The following TRHDE variants were observed in gnomAD, a reference collection of about 807,000 sequenced individuals.
The protein encoded by TRHDE is thyrotropin releasing hormone degrading enzyme, also known as thyrotropin-releasing hormone-degrading ectoenzyme.
Under a neutral mutation model 125.7 loss-of-function variants are expected in TRHDE, and 72 were observed. The observed-to-expected ratio is 0.57, with a 90% CI of 0.47 to 0.70. The LOEUF (loss-of-function observed/expected upper bound fraction) is 0.70. Among genes scored for constraint, TRHDE ranks in the 30% least tolerant of loss-of-function variants. The pLI, the probability that TRHDE is intolerant of heterozygous loss-of-function variation, is 0.00. For missense variants in TRHDE, 1,110 were observed against 1,327.1 expected, an observed-to-expected ratio of 0.84 and a Z score of 2.54; for synonymous variants, 509 against 509.1, an observed-to-expected ratio of 1.00 and a Z score of 0.00.
intron 3 of TRHDE, among the ~76,000 whole-genome samples, chr12:72,426,845 T>C (rs761231818): frequency 5.1e-4 from 77 of 152,260 alleles, no homozygotes; most frequent in Admixed American, 1.4e-3. Flanking sequence ...CTGCTAATAC[T>C]CCATTTGTTG....
chr12:72,150,046 G>C (rs1328394175), intron 2 of TRHDE, among the ~76,000 whole-genome samples: 10 of 152,144 alleles, frequency 6.6e-5, no homozygotes, highest in Non-Finnish European at 5.9e-5. Flanking sequence ...TTTTCTATGT[G>C]CCAGACATTA....
At chr12:72,356,757 T>C (rs1451385259) in intron 2 of TRHDE, among the ~76,000 whole-genome samples, 5 of 151,184 alleles carry the variant, frequency 3.3e-5, no homozygotes, top group African/African-American at 1.2e-4. Flanking sequence ...GATGGTTTGG[T>C]GAGGTAGAGG....
intron 2 of TRHDE, among the ~76,000 whole-genome samples, chr12:72,359,907 C>T (rs918311402): frequency 3.3e-5 from 5 of 151,596 alleles, no homozygotes; most frequent in South Asian, 4.1e-4. Context: ...GGTATTGGCA[C>T]GGTGAGAGAC....
intron 6 of TRHDE, among the ~76,000 whole-genome samples, chr12:72,509,050 T>G (rs1878474253): frequency 6.6e-6 from 1 of 152,118 alleles, no homozygotes; most frequent in South Asian, 2.1e-4. Context: ...ATTTTCTAAA[T>G]TACCCAGGTT....
chr12:72,183,128 C>G (rs1016849607), intron 2 of TRHDE, among the ~76,000 whole-genome samples: 1 of 152,168 alleles, frequency 6.6e-6, no homozygotes, highest in African/African-American at 2.4e-5. Context: ...ACTTCTATTA[C>G]TTAACTTGGA....
chr12:72,347,782 G>C (rs1355719422), intron 2 of TRHDE, among the ~76,000 whole-genome samples: 2 of 152,082 alleles, frequency 1.3e-5, no homozygotes, highest in Non-Finnish European at 2.9e-5. Context: ...GAACAGGCTA[G>C]AATAACAAGA....
At position 72,617,226 on chromosome 12, in the gene TRHDE, A is replaced by G. The variant is rs554381830; in HGVS notation, c.2322-1665A>G. 3.3e-5 allele frequency among the ~76,000 whole-genome samples: 5 copies of G among 152,260 alleles called. No individual in the cohort carries two copies. In the South Asian group the frequency reaches 1.0e-3, roughly 32 times the overall value. On this transcript the variant is annotated intron_variant, in intron 12 of 18. Transcript: ENST00000261180. ...ATGTGAAATCTGAAGTTTGCTCACT[A>G]TTTATGTGAAATATGAACCTGTGGT...
chr12:72,362,274 A>G (rs998891107), intron 2 of TRHDE, among the ~76,000 whole-genome samples: 5 of 150,202 alleles, frequency 3.3e-5, no homozygotes, highest in African/African-American at 1.2e-4. Flanking sequence ...GTGAGATGGT[A>G]TCTCATTGTG....
chr12:72,139,429 T>C (rs971026838), intron 2 of TRHDE, among the ~76,000 whole-genome samples: 4 of 152,226 alleles, frequency 2.6e-5, no homozygotes, highest in Non-Finnish European at 5.9e-5. Flanking sequence ...AATATCAAAG[T>C]ATATGTTTTA....
At chr12:72,453,858 G>T (rs1198067099) in intron 3 of TRHDE, among the ~76,000 whole-genome samples, 1 of 152,206 alleles carries the variant, frequency 6.6e-6, no homozygotes, top group Non-Finnish European at 1.5e-5. Flanking sequence ...ATAAGCCTTG[G>T]CAGGTACCAT....
intron 6 of TRHDE, among the ~76,000 whole-genome samples, chr12:72,518,919 G>A (rs1052640233): frequency 2.4e-4 from 37 of 151,922 alleles, no homozygotes; most frequent in Admixed American, 1.8e-3. Context: ...TAGTTTGGCT[G>A]GATATGAAAT....
intron 12 of TRHDE, among the ~76,000 whole-genome samples, chr12:72,587,197 C>T (rs186042954): frequency 5.5e-4 from 83 of 152,262 alleles, no homozygotes; most frequent in African/African-American, 1.9e-3. Context: ...TCTGGCCTCC[C>T]AGTTTACTGT....
At chr12:72,636,427 T>C (rs1023428080) in intron 15 of TRHDE, among the ~76,000 whole-genome samples, 7 of 151,708 alleles carry the variant, frequency 4.6e-5, no homozygotes, top group African/African-American at 7.3e-5. Flanking sequence ...GTTTTCTAGA[T>C]ATACAATCAT....
In TRHDE at chr12:72,310,401, A is replaced by C. The variant is rs1266753443; in HGVS notation, c.1188+23447A>C. Reference sequence around the variant, plus strand: ...GTTCAACCATTGCTGATTGCTTTTCACTTACTTAAAAATCTTGACTGCGTT... The same window carrying C: ...GTTCAACCATTGCTGATTGCTTTTCCCTTACTTAAAAATCTTGACTGCGTT... On this transcript the variant is annotated intron_variant, in intron 2 of 18. Transcript: ENST00000261180. Among the ~76,000 whole-genome samples, 3 of 152,338 alleles carry C rather than the reference A, an allele frequency of 2.0e-5. No individual in the cohort carries two copies. In the East Asian group the frequency reaches 5.8e-4, roughly 29 times the overall value.
At chr12:72,650,608 A>G (rs966779799) in intron 15 of TRHDE, among the ~76,000 whole-genome samples, 2 of 152,124 alleles carry the variant, frequency 1.3e-5, no homozygotes, top group African/African-American at 4.8e-5. Context: ...ACATCTTAGA[A>G]AGTAAACTTA....
intron 2 of TRHDE, among the ~76,000 whole-genome samples, chr12:72,208,322 C>T (rs560898735): frequency 1.3e-5 from 2 of 152,134 alleles, no homozygotes; most frequent in South Asian, 4.2e-4. Context: ...CAAATGGGTT[C>T]GGAGGAGGAG....
chr12:72,270,923 T>C (rs1879184751), upstream of TRHDE, among the ~76,000 whole-genome samples: 1 of 152,244 alleles, frequency 6.6e-6, no homozygotes, highest in African/African-American at 2.4e-5. Flanking sequence ...AACTGGTCTA[T>C]TGATAACTAT....
chr12:72,185,392 G>A (rs1394350981), intron 2 of TRHDE, among the ~76,000 whole-genome samples: 1 of 152,212 alleles, frequency 6.6e-6, no homozygotes, highest in African/African-American at 2.4e-5. Context: ...GCTCCACGGC[G>A]CCCAGTCCCA....
At chr12:72,282,062 GA>G (rs1879715263) in intron 1 of TRHDE, among the ~76,000 whole-genome samples, 1 of 152,060 alleles carries the variant, frequency 6.6e-6, no homozygotes, top group Non-Finnish European at 1.5e-5. Context: ...GACATTCTAC[GA>G]ATCACACTCC....
Sources: allele counts gnomAD v4.1 joint callset (sites outside exome capture counted in the v4.1 genomes callset), GRCh38; gene constraint gnomAD v4.1.1; transcripts MANE v1.5; gene names NCBI Gene and HGNC (gene_info 2026-07-23, HGNC 2026-07-21).